CAPN5: variants seen among roughly 807,000 people sequenced by gnomAD.
The protein encoded by CAPN5 is calpain-5.
CAPN5 carries 54 observed loss-of-function variants against 73.0 expected under a neutral mutation model. That is an observed-to-expected ratio of 0.74 (90% CI 0.59 to 0.93). The LOEUF (loss-of-function observed/expected upper bound fraction) is 0.93, where lower values mean the gene tolerates loss of function less well. CAPN5 is among the 40% of genes least tolerant of loss of function. CAPN5 has a pLI of 0.00. For missense variants in CAPN5, 785 were observed against 882.9 expected, an observed-to-expected ratio of 0.89 and a Z score of 1.41; for synonymous variants, 335 against 356.9, an observed-to-expected ratio of 0.94 and a Z score of 0.69.
chr11:77,110,160 T>C (rs939372937), intron 3 of CAPN5, among the ~76,000 whole-genome samples: 19 of 151,432 alleles, frequency 1.3e-4, no homozygotes, highest in Admixed American at 7.3e-4. Context: ...GTTGCCCAGC[T>C]CACTGCAACC....
At chr11:77,077,970 T>C (rs1949990380) in intron 1 of CAPN5, among the ~76,000 whole-genome samples, 1 of 152,240 alleles carries the variant, frequency 6.6e-6, no homozygotes, top group Non-Finnish European at 1.5e-5. Context: ...ATATTGACTC[T>C]TGTCAGATGG....
chr11:77,120,761 G>A lies in CAPN5; in HGVS notation c.1339G>A (p.Ala447Thr), dbSNP rs144340565. 34 of 1,613,580 alleles carry A rather than the reference G, an allele frequency of 2.1e-5. No homozygotes were observed. The highest frequency in any genetic ancestry group is 1.6e-4 in the Middle Eastern group (1 of 6,084). The change falls in exon 10 of 13, where the codon GCC becomes ACC. Residue 447 changes from alanine to threonine, a missense_variant. Transcript: ENST00000648180. ...YRMHSLQHKA[A>T]SSIYINSRSV... The stretch of plus-strand genomic sequence containing the variant: ...CATGCACAGCCTGCAGCACAAGGCC[G>A]CCAGCTCCATCTACATCAACTCACG...
chr11:77,071,731 ACCCT>A (rs1555033122), intron 1 of CAPN5: 1 of 424,928 alleles, frequency 2.4e-6, no homozygotes, highest in Non-Finnish European at 4.9e-6. Flanking sequence ...GCTCTGGTTC[ACCCT>A]CTGCCTGGGT....
At chr11:77,076,460 T>C (rs1205700360) in intron 1 of CAPN5, among the ~76,000 whole-genome samples, 1 of 152,228 alleles carries the variant, frequency 6.6e-6, no homozygotes, top group Admixed American at 6.5e-5. Flanking sequence ...CTTGAACTTA[T>C]TCCTCTTATC....
chr11:77,101,163 A>G (rs151206957), intron 3 of CAPN5, among the ~76,000 whole-genome samples: 5 of 152,184 alleles, frequency 3.3e-5, no homozygotes, highest in Admixed American at 2.0e-4. Flanking sequence ...TCATTCGTTC[A>G]TTCATTCAAC....
At chr11:77,089,334 G>A (rs1950124995) in intron 2 of CAPN5, among the ~76,000 whole-genome samples, 1 of 152,228 alleles carries the variant, frequency 6.6e-6, no homozygotes, top group Non-Finnish European at 1.5e-5. Context: ...ACTGCCTCCA[G>A]GCAGCCTCCT....
At chr11:77,120,564 C>T in intron 9 of CAPN5, 149 bp from the exon 10 acceptor site, 1 of 573,398 alleles carries the variant, frequency 1.7e-6, no homozygotes, top group Non-Finnish European at 3.1e-6. Context: ...AAACACGAAT[C>T]CGCTTCTGTT....
At chr11:77,094,234 G>A (rs566816840) in intron 3 of CAPN5, among the ~76,000 whole-genome samples, 242 of 152,354 alleles carry the variant, frequency 1.6e-3, no homozygotes, top group Admixed American at 4.1e-3. Context: ...ACTTTTCCCA[G>A]TTGTTCAGCA....
Position 77,125,758 on chromosome 11 carries a change from C to T in CAPN5, c.*1888C>T, listed in dbSNP as rs1565283649. On this transcript the variant is annotated 3_prime_UTR_variant, in exon 13 of 13. Transcript: ENST00000648180. ...ATAGGACTTTGCTCAGCCATGTCCC[C>T]TGGGATACAGGGGCACACCAGGACC... is the stretch of plus-strand genomic sequence containing the variant. 3 of 152,588 alleles carry T rather than the reference C, an allele frequency of 2.0e-5. No homozygotes were observed. In the East Asian group the frequency reaches 5.8e-4, roughly 30 times the overall value. 9.5% of individuals were successfully genotyped at this position (152,588 alleles called of 1,614,324 possible). A position where few individuals can be genotyped will look rare whatever the true frequency, so the allele number is the denominator to read the frequency against.
intron 1 of CAPN5, among the ~76,000 whole-genome samples, chr11:77,072,402 G>C (rs1555033209): frequency 6.6e-6 from 1 of 152,222 alleles, no homozygotes; most frequent in African/African-American, 2.4e-5. Context: ...GCCTTCACCA[G>C]GCTGACCTCT....
rs140236893 is a variant in CAPN5 at position 77,121,704 on chromosome 11, G to A, written c.1488-230G>A. On this transcript the variant is annotated intron_variant, in intron 10 of 12. Coordinates refer to ENST00000648180, the MANE Select transcript of CAPN5 (RefSeq NM_004055.5). ...TGGCACACAGCAGGTGCTCAGTAAG[G>A]TGCCTTTCCCCTGGGGAAGGATGGG... Among the ~76,000 whole-genome samples the A allele has an allele frequency of 1.7e-3, 263 of 152,316 alleles. 2 individuals are homozygous for A. Among genetic ancestry groups the A allele is most frequent in the African/African-American group, 6.1e-3 (252 of 41,584 alleles).
intron 1 of CAPN5, among the ~76,000 whole-genome samples, chr11:77,070,666 T>C (rs538845365): frequency 6.6e-6 from 1 of 152,332 alleles, no homozygotes; most frequent in Non-Finnish European, 1.5e-5. Flanking sequence ...TGCGACAAAT[T>C]GCCACACTTG....
chr11:77,084,251 C>CCA (rs1205240037), intron 1 of CAPN5, among the ~76,000 whole-genome samples: 1 of 151,966 alleles, frequency 6.6e-6, no homozygotes, highest in Non-Finnish European at 1.5e-5. Context: ...CCACCTGGGC[C>CCA]CCTGGGGAAT....
At chr11:77,103,750 G>A (rs1217599097) in intron 3 of CAPN5, among the ~76,000 whole-genome samples, 2 of 152,208 alleles carry the variant, frequency 1.3e-5, no homozygotes, top group Non-Finnish European at 2.9e-5. Flanking sequence ...AGAGATGATG[G>A]GGCGTCTCCA....
intron 1 of CAPN5, among the ~76,000 whole-genome samples, 192 bp from the exon 2 acceptor site, chr11:77,084,660 A>G (rs1251451076): frequency 4.6e-5 from 7 of 152,080 alleles, no homozygotes; most frequent in African/African-American, 1.4e-4. Context: ...AAACGAGAGA[A>G]TCCAGTCTAT....
intron 3 of CAPN5, among the ~76,000 whole-genome samples, chr11:77,108,748 A>AT (rs545891946): frequency 1.3e-5 from 2 of 150,578 alleles, no homozygotes; most frequent in African/African-American, 4.9e-5. Flanking sequence ...AAAAAAAAAA[A>AT]CCATAATACC....
intron 3 of CAPN5, among the ~76,000 whole-genome samples, chr11:77,094,549 T>C (rs1950188344): frequency 6.6e-6 from 1 of 152,236 alleles, no homozygotes; most frequent in Non-Finnish European, 1.5e-5. Flanking sequence ...GAAGAATTAT[T>C]GGCAGGGACT....
At chr11:77,110,136 CAG>C (rs1591140279) in intron 3 of CAPN5, among the ~76,000 whole-genome samples, 2 of 148,602 alleles carry the variant, frequency 1.3e-5, no homozygotes, top group Admixed American at 1.3e-4. Flanking sequence ...TTTTTTGAGA[CAG>C]AGTCTTGCTC....
chr11:77,095,126 G>A (rs761680175), intron 3 of CAPN5, among the ~76,000 whole-genome samples: 19 of 152,216 alleles, frequency 1.2e-4, no homozygotes, highest in Admixed American at 2.0e-4. Flanking sequence ...TGGTTGCGGC[G>A]TGTGGATGTG....
Sources: gnomAD v4.1 joint callset for allele counts (sites outside exome capture counted in the v4.1 genomes callset) on GRCh38, gnomAD v4.1.1 for gene constraint, MANE v1.5 for transcripts, NCBI Gene and HGNC (gene_info 2026-07-23, HGNC 2026-07-21) for gene names.